Variants in APP observed in about 807,000 individuals in gnomAD.
APP encodes the protein amyloid-beta precursor protein.
In APP, 31 loss-of-function variants were observed where a neutral mutation model predicts 101.4. The observed-to-expected ratio is 0.31, with a 90% CI of 0.23 to 0.41. The LOEUF (loss-of-function observed/expected upper bound fraction) is 0.41. Ranked by LOEUF, APP falls within the 10% of genes least tolerant of loss-of-function variation. APP has a pLI of 1.00. For synonymous variants in APP, 366 were observed against 364.4 expected, an observed-to-expected ratio of 1.00 and a Z score of -0.05; for missense variants, 839 against 1,003.7, an observed-to-expected ratio of 0.84 and a Z score of 2.22.
At chr21:25,909,605 G>A (rs976185434) in intron 14 of APP, among the ~76,000 whole-genome samples, 6 of 152,156 alleles carry the variant, frequency 3.9e-5, no homozygotes, top group East Asian at 1.9e-4. Context: ...ACATTCACAC[G>A]TGTGCACGCA....
chr21:26,160,323 A>G (rs2063465269), intron 1 of APP, among the ~76,000 whole-genome samples: 1 of 152,130 alleles, frequency 6.6e-6, no homozygotes, highest in Admixed American at 6.6e-5. Context: ...TTAGCCAAGA[A>G]CGCCCCTCCA....
intron 11 of APP, among the ~76,000 whole-genome samples, chr21:25,973,970 A>AG (rs2042133333): frequency 6.6e-6 from 1 of 150,648 alleles, no homozygotes; most frequent in Admixed American, 6.6e-5. Flanking sequence ...AAAAAGAACA[A>AG]GTGGACATAA....
chr21:26,032,802 AAAAAT>A (rs1029702073), intron 5 of APP, among the ~76,000 whole-genome samples: 37 of 128,574 alleles, frequency 2.9e-4, no homozygotes, highest in African/African-American at 1.0e-3. Flanking sequence ...TAGAAAAAAA[AAAAAT>A]ATATATATAT....
chr21:25,994,893 G>GT (rs373300301), intron 8 of APP, among the ~76,000 whole-genome samples: 7 of 152,184 alleles, frequency 4.6e-5, no homozygotes, highest in Admixed American at 3.9e-4. Context: ...GAAATTATAT[G>GT]TTTTTTTCCT....
At chr21:26,170,889 C>T (rs1038751867), upstream of APP, 5 of 359,962 alleles carry the variant, frequency 1.4e-5, no homozygotes, top group African/African-American at 4.5e-5. Flanking sequence ...CCGCTCGCGC[C>T]GGGAGGGGCC....
chr21:25,884,084 G>T (rs1351549160), intron 17 of APP, among the ~76,000 whole-genome samples: 2 of 152,168 alleles, frequency 1.3e-5, no homozygotes, highest in South Asian at 4.1e-4. Context: ...TCACCATGTT[G>T]GCCATGCTGG....
intron 5 of APP, among the ~76,000 whole-genome samples, chr21:26,042,422 A>G (rs1463858817): frequency 1.3e-5 from 2 of 152,248 alleles, no homozygotes; most frequent in African/African-American, 4.8e-5. Flanking sequence ...GTTTTCACTA[A>G]CTACAAATCA....
chr21:25,923,337 A>G lies in APP; in HGVS notation c.1688-11375T>C, dbSNP rs570216024. ...AGGCGTGGGCAAGGACTTCACGTCC[A>G]AAACACCAAAAGCAATGGCAACAAA... On this transcript the variant is annotated intron_variant, in intron 13 of 17. Transcript: ENST00000346798. 9.8e-4 allele frequency among the ~76,000 whole-genome samples: 146 copies of G among 148,986 alleles called. 1 individual carries two copies. Among genetic ancestry groups the G allele is most frequent in the Non-Finnish European group, 4.7e-4 (32 of 67,942 alleles).
At chr21:26,112,554 C>T (rs2062353231) in intron 1 of APP, among the ~76,000 whole-genome samples, 1 of 152,238 alleles carries the variant, frequency 6.6e-6, no homozygotes, top group South Asian at 2.1e-4. Flanking sequence ...ATGATGCCTG[C>T]CAGGCCCTGC....
intron 13 of APP, among the ~76,000 whole-genome samples, chr21:25,942,892 C>T (rs1354662454): frequency 6.6e-6 from 1 of 152,100 alleles, no homozygotes; most frequent in Non-Finnish European, 1.5e-5. Flanking sequence ...CATCCATCTT[C>T]CCCACTGAAC....
chr21:26,005,865 A>C (rs1268419682), intron 6 of APP, among the ~76,000 whole-genome samples: 1 of 152,228 alleles, frequency 6.6e-6, no homozygotes, highest in Non-Finnish European at 1.5e-5. Flanking sequence ...GCAAAATTAG[A>C]CCTTATATAA....
intron 13 of APP, among the ~76,000 whole-genome samples, chr21:25,914,709 A>G (rs867391782): frequency 1.1e-4 from 16 of 151,798 alleles, no homozygotes; most frequent in East Asian, 1.9e-4. Flanking sequence ...GCCCGCCACC[A>G]CGCCCGGCTA....
chr21:25,917,462 C>T (rs1182062959), intron 13 of APP, among the ~76,000 whole-genome samples: 2 of 152,020 alleles, frequency 1.3e-5, no homozygotes, highest in Non-Finnish European at 2.9e-5. Context: ...GAAAAATAGC[C>T]TTATAAATAA....
At chr21:25,917,136 C>T (rs898612628) in intron 13 of APP, among the ~76,000 whole-genome samples, 1 of 152,056 alleles carries the variant, frequency 6.6e-6, no homozygotes, top group African/African-American at 2.4e-5. Context: ...TGGCGGACGC[C>T]TGTAATCCCA....
At chr21:25,970,599 T>G (rs1308145019) in intron 11 of APP, among the ~76,000 whole-genome samples, 1 of 152,182 alleles carries the variant, frequency 6.6e-6, no homozygotes, top group African/African-American at 2.4e-5. Flanking sequence ...CTTGCTAAGA[T>G]AGAGAATTTT....
Position 25,963,783 on chromosome 21 carries a change from GAATC to G in APP, c.1459-8032_1459-8029del, listed in dbSNP as rs1385366111. Among the ~76,000 whole-genome samples, 13 of 152,252 alleles carry G rather than the reference GAATC, an allele frequency of 8.5e-5. No homozygotes were observed. In the South Asian group the frequency reaches 2.7e-3, roughly 32 times the overall value. ...TGGGGAAACTGCCATGGGGACCTCTGAATCACCACCTTTATTGTCTTTAATGCCA... is the reference window on the plus strand; with the variant it reads ...TGGGGAAACTGCCATGGGGACCTCTGACCACCTTTATTGTCTTTAATGCCA... On this transcript the variant is annotated intron_variant, in intron 11 of 17. Transcript: ENST00000346798.
chr21:26,016,928 TGTGGGGG>T lies in APP; in HGVS notation c.865+4905_865+4911del, dbSNP rs1193549769. On this transcript the variant is annotated intron_variant, in intron 6 of 17. Coordinates refer to ENST00000346798, the MANE Select transcript of APP (RefSeq NM_000484.4). The stretch of plus-strand genomic sequence containing the variant: ...ATGGTGGCCTGTATTCCCAGCACTT[TGTGGGGG>T]GCGGGGGGCGGGGGGCGGGGGGTGC... Among the ~76,000 whole-genome samples, 3 of 20,878 alleles carry T rather than the reference TGTGGGGG, an allele frequency of 1.4e-4. 1 individual carries two copies. Among genetic ancestry groups the T allele is most frequent in the African/African-American group, 7.0e-4 (3 of 4,274 alleles). The allele number at this position is 20,878 out of a possible 152,430, so 13.7% of individuals were successfully genotyped here. A position where few individuals can be genotyped will look rare whatever the true frequency, so the allele number is the denominator to read the frequency against.
intron 1 of APP, among the ~76,000 whole-genome samples, chr21:26,117,662 A>T (rs1343405101): frequency 6.6e-6 from 1 of 152,192 alleles, no homozygotes; most frequent in African/African-American, 2.4e-5. Flanking sequence ...CAATTTTCCA[A>T]GGCTTTGCCC....
chr21:25,988,181 G>C (rs2042709252), intron 8 of APP, among the ~76,000 whole-genome samples: 1 of 152,138 alleles, frequency 6.6e-6, no homozygotes, highest in Admixed American at 6.5e-5. Context: ...AGTTGAAGCT[G>C]GCTGGCAAAT....
Sources: gnomAD v4.1 joint callset for allele counts (sites outside exome capture counted in the v4.1 genomes callset) on GRCh38, gnomAD v4.1.1 for gene constraint, MANE v1.5 for transcripts, NCBI Gene and HGNC (gene_info 2026-07-23, HGNC 2026-07-21) for gene names.